PPP2R2B: variants seen among roughly 807,000 people sequenced by gnomAD.
PPP2R2B encodes the protein protein phosphatase 2 regulatory subunit Bbeta, also known as serine/threonine-protein phosphatase 2A 55 kDa regulatory subunit B beta isoform.
Under a neutral mutation model 46.0 loss-of-function variants are expected in PPP2R2B, and 5 were observed. The observed-to-expected ratio is 0.11, with a 90% CI of 0.06 to 0.23. The LOEUF (loss-of-function observed/expected upper bound fraction) is 0.23. Among genes scored for constraint, PPP2R2B ranks in the 10% least tolerant of loss-of-function variants. The probability of loss-of-function intolerance (pLI) is 1.00; values close to 1 mark genes in which losing one functional copy is unlikely to be tolerated. For synonymous variants in PPP2R2B, 215 were observed against 206.7 expected (o/e 1.04, Z -0.34); for missense variants, 367 against 575.0 (o/e 0.64, Z 3.70).
intron 2 of PPP2R2B, among the ~76,000 whole-genome samples, chr5:146,843,179 C>G (rs1317140308): frequency 6.6e-6 from 1 of 152,246 alleles, no homozygotes; most frequent in African/African-American, 2.4e-5. Flanking sequence ...GAGGGCGAAA[C>G]TCTGCCTCAA....
chr5:146,682,372 G>C (rs911949903), intron 5 of PPP2R2B, among the ~76,000 whole-genome samples: 2 of 152,052 alleles, frequency 1.3e-5, no homozygotes, highest in Non-Finnish European at 2.9e-5. Flanking sequence ...GAGGAGAAAG[G>C]GATTAACATA....
intron 9 of PPP2R2B, among the ~76,000 whole-genome samples, chr5:146,591,640 G>A (rs1304633661): frequency 1.5e-5 from 2 of 131,732 alleles, no homozygotes; most frequent in Admixed American, 8.5e-5. Context: ...ACCATGACCC[G>A]ACTTATTTTT....
At chr5:146,903,404 T>A (rs1019244160) in intron 1 of PPP2R2B, among the ~76,000 whole-genome samples, 1 of 149,168 alleles carries the variant, frequency 6.7e-6, no homozygotes, top group African/African-American at 2.5e-5. Context: ...TTTTTTTTTT[T>A]TTTTTTTTAG....
chr5:146,936,818 T>C (rs1004776864), intron 1 of PPP2R2B, among the ~76,000 whole-genome samples: 1 of 151,580 alleles, frequency 6.6e-6, no homozygotes, highest in African/African-American at 2.4e-5. Context: ...CTCTAAGCCC[T>C]CCCGAGGTCC....
At chr5:146,975,852 A>G (rs1374546570) in intron 1 of PPP2R2B, among the ~76,000 whole-genome samples, 1 of 151,818 alleles carries the variant, frequency 6.6e-6, no homozygotes. Flanking sequence ...CAGTTGTAGG[A>G]GTTCTTTACA....
At chr5:146,801,521 A>G (rs942565449) in intron 2 of PPP2R2B, among the ~76,000 whole-genome samples, 8 of 152,198 alleles carry the variant, frequency 5.3e-5, no homozygotes, top group African/African-American at 1.9e-4. Flanking sequence ...TGGAGACTGG[A>G]GCACAGAAGA....
intron 2 of PPP2R2B, among the ~76,000 whole-genome samples, chr5:146,820,223 A>ATGAT (rs2151331979): frequency 6.6e-6 from 1 of 152,330 alleles, no homozygotes; most frequent in Non-Finnish European, 1.5e-5. Flanking sequence ...CCACAAAGAA[A>ATGAT]TGATACATGT....
chr5:146,828,253 A>T (rs1758701908), intron 2 of PPP2R2B, among the ~76,000 whole-genome samples: 1 of 142,016 alleles, frequency 7.0e-6, no homozygotes, highest in Non-Finnish European at 1.5e-5. Context: ...TATTACTTTT[A>T]CTTTTTTTAA....
At chr5:146,776,154 C>T (rs1561897905) in intron 2 of PPP2R2B, among the ~76,000 whole-genome samples, 1 of 152,088 alleles carries the variant, frequency 6.6e-6, no homozygotes, top group East Asian at 1.9e-4. Flanking sequence ...TTCTAAAATT[C>T]ATATGGAATT....
At chr5:147,036,513 T>C (rs1310586035) in intron 1 of PPP2R2B, among the ~76,000 whole-genome samples, 1 of 152,210 alleles carries the variant, frequency 6.6e-6, no homozygotes, top group Non-Finnish European at 1.5e-5. Flanking sequence ...CAATTTATAT[T>C]CATTTGGGTA....
At chr5:146,606,705 AT>A (rs1447666856) in intron 7 of PPP2R2B, among the ~76,000 whole-genome samples, 1 of 152,062 alleles carries the variant, frequency 6.6e-6, no homozygotes, top group Non-Finnish European at 1.5e-5. Flanking sequence ...TGTGGTACTG[AT>A]TTCTGGGTTT....
rs934055683 is a variant in PPP2R2B at position 146,582,161 on chromosome 5, T to C, written c.*7786A>G. The C allele has an allele frequency of 4.6e-5, 7 of 152,172 alleles. 1 individual carries two copies. Among genetic ancestry groups the C allele is most frequent in the Admixed American group, 2.6e-4 (4 of 15,268 alleles). 9.4% of individuals were successfully genotyped at this position (152,172 alleles called of 1,614,324 possible). A position where few individuals can be genotyped will look rare whatever the true frequency, so the allele number is the denominator to read the frequency against. Reference sequence around the variant, plus strand: ...ATGTGCTCAGCTCTGAAAGATTTCTTTGGGGGTCTTGCCTTTCCCTAAGAA... The same window carrying C: ...ATGTGCTCAGCTCTGAAAGATTTCTCTGGGGGTCTTGCCTTTCCCTAAGAA... On this transcript the variant is annotated 3_prime_UTR_variant, in exon 10 of 10. Transcript: ENST00000394411.
intron 6 of PPP2R2B, among the ~76,000 whole-genome samples, chr5:146,643,771 T>C (rs1775386361): frequency 1.3e-5 from 2 of 152,240 alleles, no homozygotes; most frequent in Admixed American, 6.5e-5. Flanking sequence ...GAAAAAGGCA[T>C]ATGGTATAAT....
chr5:146,777,590 C>G (rs1755262647), intron 2 of PPP2R2B, among the ~76,000 whole-genome samples: 1 of 152,014 alleles, frequency 6.6e-6, no homozygotes, highest in South Asian at 2.1e-4. Context: ...TAAATATGCA[C>G]TTAAAAGTGG....
At chr5:146,926,535 G>A (rs540218259) in intron 1 of PPP2R2B, among the ~76,000 whole-genome samples, 2 of 152,020 alleles carry the variant, frequency 1.3e-5, no homozygotes, top group Non-Finnish European at 2.9e-5. Flanking sequence ...GGGACCACAG[G>A]CTCCGATTTT....
Position 146,749,699 on chromosome 5 carries a change from C to T in PPP2R2B, c.71-48557G>A, listed in dbSNP as rs57076058. The stretch of plus-strand genomic sequence containing the variant: ...CTGCAAGCTCCGCCTCCCAGGTTCA[C>T]GCCATTGTCCTGCCTCAGCCTCCCG... On this transcript the variant is annotated intron_variant, in intron 2 of 9. Transcript: ENST00000394411. 6.9e-3 allele frequency among the ~76,000 whole-genome samples: 1,030 copies of T among 149,520 alleles called. 14 individuals carry two copies. Among genetic ancestry groups the T allele is most frequent in the African/African-American group, 0.024 (982 of 40,694 alleles).
At chr5:146,626,750 C>G (rs572403496) in intron 7 of PPP2R2B, among the ~76,000 whole-genome samples, 1 of 152,270 alleles carries the variant, frequency 6.6e-6, no homozygotes, top group East Asian at 1.9e-4. Flanking sequence ...GGGGCTGCAG[C>G]CATGTGTGGG....
chr5:146,871,567 G>A (rs536408999), intron 2 of PPP2R2B, among the ~76,000 whole-genome samples: 14 of 152,300 alleles, frequency 9.2e-5, no homozygotes, highest in African/African-American at 1.9e-4. Flanking sequence ...TTACTGGGTC[G>A]TAGAATTCAG....
At chr5:147,060,421 G>A (rs544613132), upstream of PPP2R2B, among the ~76,000 whole-genome samples, 2 of 152,250 alleles carry the variant, frequency 1.3e-5, no homozygotes, top group South Asian at 4.1e-4. Flanking sequence ...GAACTCAGGA[G>A]TTTGAGACCA....
Sources: gnomAD v4.1 joint callset for allele counts (sites outside exome capture counted in the v4.1 genomes callset) on GRCh38, gnomAD v4.1.1 for gene constraint, MANE v1.5 for transcripts, NCBI Gene and HGNC (gene_info 2026-07-23, HGNC 2026-07-21) for gene names.